The following SOCS5 variants were observed in gnomAD, a reference collection of about 807,000 sequenced individuals.
The protein encoded by SOCS5 is CIS-6.
SOCS5 carries 32 observed loss-of-function variants against 42.8 expected under a neutral mutation model. The observed-to-expected ratio is 0.75, with a 90% CI of 0.56 to 1.01. The LOEUF (loss-of-function observed/expected upper bound fraction) is 1.01, where lower values mean the gene tolerates loss of function less well. SOCS5 is among the 50% of genes least tolerant of loss of function. The pLI is 0.00. For missense variants in SOCS5, 627 were observed against 653.0 expected (o/e 0.96, Z 0.43); for synonymous variants, 283 against 229.6 (o/e 1.23, Z -2.10).
chr2:46,726,133 G>A (rs1348726888), intron 1 of SOCS5, among the ~76,000 whole-genome samples: 3 of 152,020 alleles, frequency 2.0e-5, no homozygotes, highest in South Asian at 2.1e-4. Context: ...GTCTCGCTCT[G>A]TCGCCCAGGC....
At chr2:46,700,006 A>G (rs1461194479) in intron 1 of SOCS5, among the ~76,000 whole-genome samples, 1 of 152,118 alleles carries the variant, frequency 6.6e-6, no homozygotes, top group Non-Finnish European at 1.5e-5. Context: ...GGGAGGTTTA[A>G]CTAACCAAGG....
upstream of SOCS5, chr2:46,699,151 CCG>C (rs1672282186): frequency 6.5e-6 from 1 of 153,756 alleles, no homozygotes; most frequent in African/African-American, 2.4e-5. The surrounding 1 kb of genome is among the most constrained non-coding windows in gnomAD (Gnocchi z 4.8). Flanking sequence ...TGCCCGCCCC[CCG>C]CCCCCCGCCC....
At chr2:46,718,492 C>A (rs1672803695) in intron 1 of SOCS5, among the ~76,000 whole-genome samples, 1 of 152,114 alleles carries the variant, frequency 6.6e-6, no homozygotes, top group Non-Finnish European at 1.5e-5. Context: ...TATCCCCAAA[C>A]CCAAAGTTTA....
At chr2:46,757,733 G>A (rs1232682949) in intron 1 of SOCS5, among the ~76,000 whole-genome samples, 2 of 152,164 alleles carry the variant, frequency 1.3e-5, no homozygotes, top group African/African-American at 2.4e-5. Context: ...CGGGCGTGGT[G>A]GTACACGCCT....
intron 1 of SOCS5, among the ~76,000 whole-genome samples, chr2:46,720,070 G>A (rs1013191259): frequency 3.9e-5 from 6 of 152,158 alleles, no homozygotes; most frequent in African/African-American, 1.4e-4. Context: ...ACTGATCAGA[G>A]CATGTTGTTC....
chr2:46,746,152 A>T (rs1177453470), intron 1 of SOCS5, among the ~76,000 whole-genome samples: 27 of 151,992 alleles, frequency 1.8e-4, no homozygotes, highest in Admixed American at 1.8e-3. Flanking sequence ...TAGGCATCTG[A>T]TTCATCCATG....
At chr2:46,727,647 C>T (rs888563550) in intron 1 of SOCS5, among the ~76,000 whole-genome samples, 12 of 152,050 alleles carry the variant, frequency 7.9e-5, no homozygotes, top group African/African-American at 2.4e-4. Context: ...GATACTGTTC[C>T]AGTCAGTTCG....
intron 1 of SOCS5, among the ~76,000 whole-genome samples, chr2:46,728,795 G>A (rs1324864969): frequency 6.6e-6 from 1 of 152,152 alleles, no homozygotes; most frequent in African/African-American, 2.4e-5. Flanking sequence ...ACCTCAAAGT[G>A]ATTCGTCCAT....
At chr2:46,713,324 C>G (rs1220528288) in intron 1 of SOCS5, among the ~76,000 whole-genome samples, 1 of 152,170 alleles carries the variant, frequency 6.6e-6, no homozygotes, top group African/African-American at 2.4e-5. Context: ...CCACTGCACT[C>G]CAGGGTGGGT....
Position 46,759,946 on chromosome 2 carries a change from T to G in SOCS5, c.1416T>G (p.Leu472=). ...CGTGCATGTTTTTTGAACCATTGCT[T>G]ACTATATCACTAAATAGGACTTTCC... is the stretch of plus-strand genomic sequence containing the variant. ...PSSCMFFEPL[L]TISLNRTFPF... Residue 472 remains leucine, a synonymous_variant, in exon 2 of 2, where the codon CTT becomes CTG. Transcript: ENST00000394861. The G allele has an allele frequency of 6.2e-7, 1 of 1,614,192 alleles. No individual in the cohort carries two copies. Among genetic ancestry groups the G allele is most frequent in the Non-Finnish European group, 8.5e-7 (1 of 1,180,022 alleles).
rs377674278 is a variant in SOCS5 at position 46,758,859 on chromosome 2, G to A, written c.329G>A (p.Arg110Gln). 44 of 1,613,952 alleles carry A rather than the reference G, an allele frequency of 2.7e-5. No homozygotes were observed. Among genetic ancestry groups the A allele is most frequent in the Non-Finnish European group, 3.7e-5 (44 of 1,179,824 alleles). ...SCVTPGTRLA[R>Q]RDSYSRHAPW... Reference sequence around the variant, plus strand: ...GTTACCCCAGGAACAAGACTTGCACGAAGAGATTCCTACTCTCGACATGCT... The same window carrying A: ...GTTACCCCAGGAACAAGACTTGCACAAAGAGATTCCTACTCTCGACATGCT... Residue 110 changes from arginine (R) to glutamine (Q), a missense_variant, in exon 2 of 2, where the codon CGA becomes CAA. Transcript: ENST00000394861.
intron 1 of SOCS5, among the ~76,000 whole-genome samples, chr2:46,724,791 T>A (rs1672957970): frequency 6.6e-6 from 1 of 152,084 alleles, no homozygotes; most frequent in Non-Finnish European, 1.5e-5. Flanking sequence ...ATGTGATCTG[T>A]CTTGGTGAAC....
rs182239207 is a variant in SOCS5 at position 46,755,454 on chromosome 2, T to G, written c.-12-3065T>G. On this transcript the variant is annotated intron_variant, in intron 1 of 1. Transcript: ENST00000394861. ...AATTTGACCTAATTTTCCATAATTC[T>G]AATTTGTAGCTTATCCAGTTAAATA... Among the ~76,000 whole-genome samples, 315 of 152,322 alleles carry G rather than the reference T, an allele frequency of 2.1e-3. 1 individual carries two copies. Among genetic ancestry groups the G allele is most frequent in the African/African-American group, 7.4e-3 (307 of 41,588 alleles).
At chr2:46,728,797 T>G (rs770058589) in intron 1 of SOCS5, among the ~76,000 whole-genome samples, 2 of 152,188 alleles carry the variant, frequency 1.3e-5, no homozygotes, top group Non-Finnish European at 2.9e-5. Flanking sequence ...CTCAAAGTGA[T>G]TCGTCCATCT....
chr2:46,718,245 C>T (rs374124669), intron 1 of SOCS5, among the ~76,000 whole-genome samples: 29 of 152,160 alleles, frequency 1.9e-4, no homozygotes, highest in African/African-American at 6.0e-4. Flanking sequence ...TGTATATTGC[C>T]GAGTTTTATA....
intron 1 of SOCS5, among the ~76,000 whole-genome samples, chr2:46,719,385 A>G (rs568728377): frequency 5.3e-5 from 8 of 152,330 alleles, no homozygotes; most frequent in South Asian, 2.1e-4. Flanking sequence ...CTCATGTTTC[A>G]TAGTTTAAAA....
At chr2:46,706,358 G>A (rs1351377609) in intron 1 of SOCS5, among the ~76,000 whole-genome samples, 1 of 152,192 alleles carries the variant, frequency 6.6e-6, no homozygotes, top group Middle Eastern at 3.2e-3. Context: ...ATATTAGGAG[G>A]CAGCACTTAA....
At chr2:46,720,225 G>A (rs1185786309) in intron 1 of SOCS5, among the ~76,000 whole-genome samples, 1 of 152,170 alleles carries the variant, frequency 6.6e-6, no homozygotes, top group African/African-American at 2.4e-5. Context: ...TTGCTGTTCA[G>A]TAATTAAGAT....
At chr2:46,740,909 AC>A (rs1410215936) in intron 1 of SOCS5, among the ~76,000 whole-genome samples, 1 of 152,130 alleles carries the variant, frequency 6.6e-6, no homozygotes, top group African/African-American at 2.4e-5. Context: ...AGCCATACAC[AC>A]CCACATTTGA....
Sources: allele counts gnomAD v4.1 joint callset (sites outside exome capture counted in the v4.1 genomes callset), GRCh38; gene constraint gnomAD v4.1.1; non-coding constraint Gnocchi (gnomAD v3.1); transcripts MANE v1.5; gene names NCBI Gene and HGNC (gene_info 2026-07-23, HGNC 2026-07-21).